The following ACACA variants were observed in gnomAD, a reference collection of about 807,000 sequenced individuals.
ACACA encodes acetyl-CoA carboxylase alpha.
ACACA carries 103 observed loss-of-function variants against 296.1 expected under a neutral mutation model. The observed-to-expected ratio is 0.35, with a 90% CI of 0.30 to 0.41. The LOEUF is 0.41. Among genes scored for constraint, ACACA ranks in the 10% least tolerant of loss-of-function variants. The pLI is 1.00. For synonymous variants in ACACA, 953 were observed against 1,038.6 expected (o/e 0.92, Z 1.58); for missense variants, 1,554 against 2,989.7 (o/e 0.52, Z 11.20).
In ACACA at chr17:37,396,339, C is replaced by CAA. The variant is rs59227754; in HGVS notation, c.38+9921_38+9922dup. Among the ~76,000 whole-genome samples, 808 of 135,114 alleles carry CAA rather than the reference C, an allele frequency of 6.0e-3. 26 individuals are homozygous for CAA. The East Asian group carries it at 0.077, about 13-fold the overall frequency. The allele number at this position is 135,114 out of a possible 152,430, so 88.6% of individuals were successfully genotyped here. Reference sequence around the variant, plus strand: ...TGGGTGACAGAGTGAGACTCCATCTCAAAAAAAAAAAAAAGATAAATATAA... The same window carrying CAA: ...TGGGTGACAGAGTGAGACTCCATCTCAAAAAAAAAAAAAAAAGATAAATATAA... On this transcript the variant is annotated intron_variant, in intron 1 of 55. Coordinates refer to ENST00000616317, the MANE Select transcript of ACACA (RefSeq NM_198834.3).
chr17:37,281,996 GA>G (rs1312974871), intron 5 of ACACA, among the ~76,000 whole-genome samples: 8 of 152,202 alleles, frequency 5.3e-5, no homozygotes, highest in Non-Finnish European at 1.0e-4. Flanking sequence ...TCAGAGATGT[GA>G]AAGTGTGCAT....
Position 37,097,943 on chromosome 17 carries a change from T to C in ACACA, c.6607A>G (p.Asn2203Asp). 1 of 1,614,176 alleles carries C rather than the reference T, an allele frequency of 6.2e-7. No homozygotes were observed. The highest frequency in any genetic ancestry group is 8.5e-7 in the Non-Finnish European group (1 of 1,180,020). Residue 2203 changes from asparagine (N) to aspartate (D), a missense_variant, in exon 53 of 56, where the codon AAC becomes GAC. Transcript: ENST00000616317. The surrounding 1 kb of genome is among the most constrained non-coding windows in gnomAD (Gnocchi z 4.8). Reference protein sequence around the residue: ...LSTAERKELENKLKEREEFLI... With the variant: ...LSTAERKELEDKLKEREEFLI... ...AATTCCTCCCGCTCCTTCAACTTGT[T>C]CTCCAACTCCTTCCGCTCAGCTGTG...
chr17:37,127,509 T>C (rs977339123), intron 47 of ACACA, among the ~76,000 whole-genome samples: 2 of 152,126 alleles, frequency 1.3e-5, no homozygotes, highest in Non-Finnish European at 2.9e-5. Context: ...CACTAAGTCT[T>C]GTTCCAAATT....
intron 42 of ACACA, among the ~76,000 whole-genome samples, chr17:37,158,183 A>G (rs1290088331): frequency 1.3e-5 from 2 of 152,196 alleles, no homozygotes; most frequent in African/African-American, 2.4e-5. Flanking sequence ...TGTGGGAAGA[A>G]CACATTAAAG....
Position 37,252,933 on chromosome 17 carries a change from T to C in ACACA, c.1930A>G (p.Arg644Gly), listed in dbSNP as rs2081060620. Residue 644 changes from arginine to glycine, a missense_variant, in exon 15 of 56, where the codon AGA (arginine) becomes GGA (glycine). Arg to Gly is a moderately radical substitution (Grantham distance 125). Transcript: ENST00000616317. ...LLETESFQMN[R>G]IDTGWLDRLI... ...CTGTCCAGCCAGCCAGTATCAATTC[T>C]GTTCATCTGAAAGCTTTCAGTCTCT... The C allele has an allele frequency of 1.9e-6, 3 of 1,614,244 alleles. No individual in the cohort carries two copies. Among genetic ancestry groups the C allele is most frequent in the Middle Eastern group, 1.6e-4 (1 of 6,062 alleles).
chr17:37,164,730 A>C (rs1227283582), intron 41 of ACACA, among the ~76,000 whole-genome samples: 1 of 152,198 alleles, frequency 6.6e-6, no homozygotes, highest in Non-Finnish European at 1.5e-5. Context: ...TTTGTTTTTC[A>C]GGAATGAAAA....
intron 5 of ACACA, among the ~76,000 whole-genome samples, chr17:37,282,768 T>C (rs1424285564): frequency 6.6e-6 from 1 of 152,146 alleles, no homozygotes; most frequent in African/African-American, 2.4e-5. Flanking sequence ...TATCTACAAC[T>C]ATCAGACAGA....
rs77646565 is a variant in ACACA at position 37,207,331 on chromosome 17, T to A, written c.3851+326A>T. On this transcript the variant is annotated intron_variant, in intron 31 of 55. Coordinates refer to ENST00000616317, the MANE Select transcript of ACACA (RefSeq NM_198834.3). ...ATGTATTGTCTCTTGTGGGGCTCAC[T>A]CTAGTGTTATGTTTAATTTCTCCTG... 9.7e-3 allele frequency among the ~76,000 whole-genome samples: 1,483 copies of A among 152,286 alleles called. 22 individuals are homozygous for A. The highest frequency in any genetic ancestry group is 0.034 in the African/African-American group (1,411 of 41,534).
Position 37,117,679 on chromosome 17 carries a change from C to T in ACACA, c.6274+3676G>A, listed in dbSNP as rs192315931. 2.6e-4 allele frequency among the ~76,000 whole-genome samples: 40 copies of T among 152,210 alleles called. No individual in the cohort carries two copies. The East Asian group carries it at 6.9e-3, about 26-fold the overall frequency. On this transcript the variant is annotated intron_variant, in intron 50 of 55. Transcript: ENST00000616317. Reference sequence around the variant, plus strand: ...TTTTGCATTATGCTGAATAGCCTTCCGGCCAGATAGAGCTCATTGAAAAAA... The same window carrying T: ...TTTTGCATTATGCTGAATAGCCTTCTGGCCAGATAGAGCTCATTGAAAAAA...
At chr17:37,344,780 T>C (rs2048541500) in intron 1 of ACACA, among the ~76,000 whole-genome samples, 1 of 152,112 alleles carries the variant, frequency 6.6e-6, no homozygotes, top group Non-Finnish European at 1.5e-5. Flanking sequence ...CCCAAAATGT[T>C]CAGAAAGTGG....
chr17:37,355,685 A>G (rs1014285806), intron 1 of ACACA, among the ~76,000 whole-genome samples: 7 of 150,626 alleles, frequency 4.6e-5, no homozygotes, highest in African/African-American at 1.7e-4. Context: ...GAGAAACCCC[A>G]TCTCTACTAA....
At chr17:37,111,448 G>A in intron 52 of ACACA, 83 bp downstream of exon 52, 2 of 974,988 alleles carry the variant, frequency 2.1e-6, no homozygotes, top group South Asian at 2.6e-5. Flanking sequence ...ATGCTTCAGT[G>A]CCTCCTCCCC....
chr17:37,145,543 T>G (rs1286833966), intron 45 of ACACA, among the ~76,000 whole-genome samples: 1 of 152,230 alleles, frequency 6.6e-6, no homozygotes, highest in Non-Finnish European at 1.5e-5. Flanking sequence ...CACCTTCTCT[T>G]AGGCTTTACA....
chr17:37,130,096 G>C lies in ACACA; in HGVS notation c.5802C>G (p.His1934Gln). The change falls in exon 46 of 56, where the codon CAC becomes CAG. Residue 1934 changes from histidine (H) to glutamine (Q), a missense_variant. His to Gln is a conservative substitution (Grantham distance 24). This residue lies in a region of ACACA where 553 missense variants were observed against 1,043.6 expected (regional missense o/e 0.53). Coordinates refer to ENST00000616317, the MANE Select transcript of ACACA (RefSeq NM_198834.3). ...TCACCTTGGGCATGTAAGACAGCCA[G>C]TGCAGGACAGTGAAAACCCCTTCAA... ...DDFEGVFTVL[H>Q]WLSYMPKSVH... The C allele has an allele frequency of 6.2e-7, 1 of 1,614,184 alleles. No homozygotes were observed. The highest frequency in any genetic ancestry group is 8.5e-7 in the Non-Finnish European group (1 of 1,180,020).
intron 26 of ACACA, 63 bp downstream of exon 26, chr17:37,226,276 G>A (rs185596594): frequency 8.1e-7 from 1 of 1,241,244 alleles, no homozygotes; most frequent in Admixed American, 1.7e-5. Flanking sequence ...AGTTCATTGT[G>A]TCTAGGACTG....
intron 41 of ACACA, among the ~76,000 whole-genome samples, chr17:37,172,997 T>C (rs963843807): frequency 4.6e-5 from 7 of 152,218 alleles, no homozygotes; most frequent in African/African-American, 1.7e-4. Context: ...ACTCAATTTC[T>C]ATACACAGCA....
chr17:37,279,665 G>T (rs2082422929), intron 5 of ACACA, among the ~76,000 whole-genome samples: 2 of 147,374 alleles, frequency 1.4e-5, no homozygotes, highest in Admixed American at 6.9e-5. Context: ...AAAAAAATTA[G>T]CTGGGCCTGG....
At chr17:37,142,924 C>T (rs1176712502) in intron 45 of ACACA, among the ~76,000 whole-genome samples, 1 of 152,154 alleles carries the variant, frequency 6.6e-6, no homozygotes, top group Non-Finnish European at 1.5e-5. Flanking sequence ...ATAATGTGTT[C>T]GTATTTCCTT....
chr17:37,087,466 A>G (rs1256747392), intron 55 of ACACA, 27 bp from the exon 56 acceptor site: 1 of 1,613,998 alleles, frequency 6.2e-7, no homozygotes, highest in South Asian at 1.1e-5. Context: ...AGAATGGTGA[A>G]GAAAAGAGAA....
Sources: gnomAD v4.1 joint callset for allele counts (sites outside exome capture counted in the v4.1 genomes callset) on GRCh38, gnomAD v4.1.1 for gene constraint, gnomAD v4.1.1 regional missense constraint, Gnocchi (gnomAD v3.1) non-coding constraint, MANE v1.5 for transcripts, NCBI Gene and HGNC (gene_info 2026-07-23, HGNC 2026-07-21) for gene names.